TBC1D5: variants seen among roughly 807,000 people sequenced by gnomAD.
The protein encoded by TBC1D5 is TBC1 domain family, member 5.
TBC1D5 carries 75 observed loss-of-function variants against 100.3 expected under a neutral mutation model. That is an observed-to-expected ratio of 0.75 (90% confidence interval 0.62 to 0.91). The LOEUF (loss-of-function observed/expected upper bound fraction) is 0.91, where lower values mean the gene tolerates loss of function less well. Ranked by LOEUF, TBC1D5 falls within the 40% of genes least tolerant of loss-of-function variation. The pLI, the probability that TBC1D5 is intolerant of heterozygous loss-of-function variation, is 0.00. For synonymous variants in TBC1D5, 323 were observed against 325.6 expected (o/e 0.99, Z 0.09); for missense variants, 910 against 942.4 (o/e 0.97, Z 0.45).
intron 3 of TBC1D5, among the ~76,000 whole-genome samples, chr3:17,504,858 T>A (rs1261092153): frequency 6.6e-6 from 1 of 152,192 alleles, no homozygotes; most frequent in Non-Finnish European, 1.5e-5. Flanking sequence ...ACACTAAAGA[T>A]CATGATAGGA....
intron 13 of TBC1D5, among the ~76,000 whole-genome samples, chr3:17,335,035 C>T (rs981371854): frequency 7.2e-5 from 11 of 152,008 alleles, no homozygotes; most frequent in African/African-American, 2.7e-4. Context: ...TTAAATTTGG[C>T]CTAAGCCTTA....
intron 1 of TBC1D5, among the ~76,000 whole-genome samples, chr3:17,658,905 G>A (rs761000378): frequency 1.5e-4 from 23 of 152,140 alleles, no homozygotes; most frequent in African/African-American, 5.1e-4. Context: ...TGATCCACCC[G>A]CCTCGGCCTC....
intron 14 of TBC1D5, among the ~76,000 whole-genome samples, chr3:17,301,393 T>C (rs1231617926): frequency 2.0e-5 from 3 of 152,244 alleles, no homozygotes; most frequent in Non-Finnish European, 4.4e-5. Context: ...TTTATTTGTG[T>C]TGTTCTAAGA....
intron 15 of TBC1D5, among the ~76,000 whole-genome samples, chr3:17,285,526 C>CTGGGA (rs1479958317): frequency 6.6e-6 from 1 of 151,974 alleles, no homozygotes; most frequent in Non-Finnish European, 1.5e-5. Context: ...TCCCAAAGTG[C>CTGGGA]TGGGATTACA....
At chr3:17,454,711 C>T (rs757651704) in intron 3 of TBC1D5, among the ~76,000 whole-genome samples, 56 of 152,188 alleles carry the variant, frequency 3.7e-4, no homozygotes, top group Admixed American at 2.3e-3. Flanking sequence ...CCGCCTGCCT[C>T]GGCATCCCAA....
intron 3 of TBC1D5, among the ~76,000 whole-genome samples, chr3:17,506,905 A>C (rs1041198009): frequency 3.9e-5 from 6 of 152,194 alleles, no homozygotes; most frequent in Admixed American, 6.5e-5. Flanking sequence ...AGTCCCAGCT[A>C]CTTGGGAGGC....
chr3:17,686,779 G>A (rs2070344989), intron 1 of TBC1D5, among the ~76,000 whole-genome samples: 1 of 152,140 alleles, frequency 6.6e-6, no homozygotes. Flanking sequence ...ATTTGGCAAT[G>A]CGTGGAGGCA....
At chr3:17,650,238 C>T (rs2065413617) in intron 1 of TBC1D5, among the ~76,000 whole-genome samples, 1 of 151,764 alleles carries the variant, frequency 6.6e-6, no homozygotes, top group African/African-American at 2.4e-5. Flanking sequence ...ACATGTATAC[C>T]TATGTAACAA....
intron 1 of TBC1D5, among the ~76,000 whole-genome samples, chr3:17,643,544 A>ATTTGCCTCATGGTGATTTTCTC: frequency 6.6e-6 from 1 of 152,056 alleles, no homozygotes; most frequent in South Asian, 2.1e-4. Flanking sequence ...GTGATTTTCT[A>ATTTGCCTCATGGTGATTTTCTC]TTTTCCTCAT....
chr3:17,716,345 T>C (rs2075237472), intron 1 of TBC1D5, among the ~76,000 whole-genome samples: 1 of 151,460 alleles, frequency 6.6e-6, no homozygotes, highest in Admixed American at 6.6e-5. Context: ...CAATCACTTA[T>C]AATAAAACTG....
At chr3:17,464,870 A>G (rs2095276456) in intron 3 of TBC1D5, among the ~76,000 whole-genome samples, 1 of 152,044 alleles carries the variant, frequency 6.6e-6, no homozygotes, top group Admixed American at 6.6e-5. Context: ...TTCAAGATAA[A>G]AAAAAACAGT....
At position 17,372,817 on chromosome 3, in the gene TBC1D5, C is replaced by T. The variant is rs192164303; in HGVS notation, c.823-570G>A. Among the ~76,000 whole-genome samples the T allele has an allele frequency of 3.9e-5, 6 of 152,266 alleles. No homozygotes were observed. In the East Asian group the frequency reaches 9.6e-4, roughly 24 times the overall value. On this transcript the variant is annotated intron_variant, in intron 12 of 21. Transcript: ENST00000253692. ...AAAATATAAAGTAGTTTGCCAAATA[C>T]GCTTACAGTAGCTTTTACCTTCTAC...
At chr3:17,394,652 C>G (rs2093448026) in intron 8 of TBC1D5, among the ~76,000 whole-genome samples, 1 of 151,960 alleles carries the variant, frequency 6.6e-6, no homozygotes, top group African/African-American at 2.4e-5. Flanking sequence ...TATTAAAGAA[C>G]AGAAGAGGCA....
intron 13 of TBC1D5, among the ~76,000 whole-genome samples, chr3:17,361,431 C>T (rs1203677575): frequency 6.6e-6 from 1 of 152,028 alleles, no homozygotes; most frequent in African/African-American, 2.4e-5. Context: ...TTTGACCTGA[C>T]ATTTATAGAA....
Position 17,673,179 on chromosome 3 carries a change from T to C in TBC1D5, c.-100-49266A>G, listed in dbSNP as rs114844477. Among the ~76,000 whole-genome samples, 531 of 152,242 alleles carry C rather than the reference T, an allele frequency of 3.5e-3. 4 individuals carry two copies. Among genetic ancestry groups the C allele is most frequent in the African/African-American group, 0.012 (503 of 41,546 alleles). On this transcript the variant is annotated intron_variant, in intron 1 of 21. Transcript: ENST00000253692. Reference sequence around the variant, plus strand: ...TAATAATACAAAAACAGGAAAGATATAAACCAATTTCGGTATGGCAGTTAT... The same window carrying C: ...TAATAATACAAAAACAGGAAAGATACAAACCAATTTCGGTATGGCAGTTAT...
At chr3:17,390,174 G>C (rs1202536940) in intron 8 of TBC1D5, among the ~76,000 whole-genome samples, 1 of 152,082 alleles carries the variant, frequency 6.6e-6, no homozygotes, top group Non-Finnish European at 1.5e-5. Flanking sequence ...TATGACTGCA[G>C]TGTGTGGAAG....
intron 17 of TBC1D5, among the ~76,000 whole-genome samples, chr3:17,228,708 T>G (rs2148834720): frequency 6.7e-6 from 1 of 148,258 alleles, no homozygotes; most frequent in South Asian, 2.1e-4. Context: ...TTTTTTTTTG[T>G]AAGTTGCACA....
intron 17 of TBC1D5, among the ~76,000 whole-genome samples, chr3:17,231,687 C>T (rs2075434227): frequency 6.6e-6 from 1 of 152,026 alleles, no homozygotes; most frequent in African/African-American, 2.4e-5. Context: ...CTTCTACTTC[C>T]CCTTGCTTCT....
At chr3:17,583,991 C>T (rs1418785372) in intron 2 of TBC1D5, among the ~76,000 whole-genome samples, 1 of 152,080 alleles carries the variant, frequency 6.6e-6, no homozygotes, top group Non-Finnish European at 1.5e-5. Flanking sequence ...AACACATGGA[C>T]TAGCATTCAG....
Sources: allele counts gnomAD v4.1 joint callset (sites outside exome capture counted in the v4.1 genomes callset), GRCh38; gene constraint gnomAD v4.1.1; transcripts MANE v1.5; gene names NCBI Gene and HGNC (gene_info 2026-07-23, HGNC 2026-07-21).